PSMA6: variants seen among roughly 807,000 people sequenced by gnomAD.
The protein encoded by PSMA6 is proteasome subunit alpha type-6.
For synonymous variants in PSMA6, 88 were observed against 97.7 expected, an observed-to-expected ratio of 0.90 and a Z score of 0.59; for missense variants, 170 against 294.8, an observed-to-expected ratio of 0.58 and a Z score of 3.10.
chr14:35,286,252 A>G (rs542279269), intron 1 of PSMA6, among the ~76,000 whole-genome samples: 33 of 152,314 alleles, frequency 2.2e-4, no homozygotes, highest in African/African-American at 7.9e-4. Context: ...AAAGTTCACA[A>G]TATGACCGTT....
chr14:35,306,859 T>C (rs2051836328), intron 1 of PSMA6, among the ~76,000 whole-genome samples: 2 of 152,066 alleles, frequency 1.3e-5, no homozygotes, highest in South Asian at 4.1e-4. Context: ...GATGGAGTCA[T>C]ATGTTGGCCT....
At chr14:35,306,887 C>A (rs1397884507) in intron 1 of PSMA6, among the ~76,000 whole-genome samples, 1 of 152,168 alleles carries the variant, frequency 6.6e-6, no homozygotes. Flanking sequence ...TGGCTCACGC[C>A]TGTAATCCTA....
chr14:35,301,654 C>T (rs2051714761), intron 1 of PSMA6, among the ~76,000 whole-genome samples: 1 of 152,166 alleles, frequency 6.6e-6, no homozygotes, highest in African/African-American at 2.4e-5. Flanking sequence ...TTGGACAGCA[C>T]TGGTCTATAT....
At chr14:35,292,949 G>A in intron 1 of PSMA6, 1 of 463,490 alleles carries the variant, frequency 2.2e-6, no homozygotes, top group Admixed American at 2.4e-5. Flanking sequence ...TCCTTTGTTT[G>A]CAGCATGGAC....
At chr14:35,312,196 T>C (rs1594393950) in intron 4 of PSMA6, among the ~76,000 whole-genome samples, 3 of 83,842 alleles carry the variant, frequency 3.6e-5, no homozygotes, top group East Asian at 4.1e-4. Context: ...AGTCCTCGTC[T>C]CCTAAAAAAA....
At chr14:35,300,220 A>G (rs2051684644) in intron 1 of PSMA6, among the ~76,000 whole-genome samples, 2 of 152,138 alleles carry the variant, frequency 1.3e-5, no homozygotes, top group African/African-American at 2.4e-5. Flanking sequence ...TGGAATTCCA[A>G]CACTTTGGGA....
chr14:35,292,588 TTGCCCTGTCATGGTACG>T, intron 1 of PSMA6, 36 bp downstream of exon 1: 2 of 1,609,254 alleles, frequency 1.2e-6, no homozygotes, highest in African/African-American at 2.7e-5. Context: ...GCCACCTGAA[TTGCCCTGTCATGGTACG>T]TGCCTGGAGC....
At chr14:35,292,887 T>C in intron 1 of PSMA6, 1 of 506,050 alleles carries the variant, frequency 2.0e-6, no homozygotes, top group South Asian at 1.6e-5. Flanking sequence ...GGTCTGTTTC[T>C]AAAGGGTAAT....
At chr14:35,306,132 G>A (rs1251058442) in intron 1 of PSMA6, among the ~76,000 whole-genome samples, 2 of 152,142 alleles carry the variant, frequency 1.3e-5, no homozygotes, top group Admixed American at 6.6e-5. Context: ...AGGAGGCTGA[G>A]GCTGGAAGAT....
At chr14:35,314,485 T>A (rs80013234) in intron 6 of PSMA6, 30 bp downstream of exon 6, 1 of 1,597,344 alleles carries the variant, frequency 6.3e-7, no homozygotes, top group East Asian at 2.3e-5. Context: ...ACATGCAGAC[T>A]AGAAAGGTGG....
At chr14:35,298,677 A>T (rs1023581180) in intron 1 of PSMA6, among the ~76,000 whole-genome samples, 1 of 152,108 alleles carries the variant, frequency 6.6e-6, no homozygotes, top group African/African-American at 2.4e-5. Context: ...TTTAAAAAAT[A>T]AATATCATTT....
chr14:35,305,674 A>C (rs7153325), intron 1 of PSMA6, among the ~76,000 whole-genome samples: 2,291 of 143,962 alleles, frequency 0.016, 68 homozygotes, highest in African/African-American at 0.055. Context: ...CAGAATTTTG[A>C]AATAATCTGT....
rs1268551368 is a variant in PSMA6 at position 35,308,918 on chromosome 14, A to G, written c.176A>G (p.Lys59Arg). The G allele has an allele frequency of 6.2e-7, 1 of 1,600,592 alleles. No homozygotes were observed. The highest frequency in any genetic ancestry group is 1.1e-5 in the South Asian group (1 of 89,324). Reference sequence around the variant, plus strand: ...TTTGTTTATTTTGTTTATTAGGACAAATTATTGGATTCCAGCACAGTGACT... The same window carrying G: ...TTTGTTTATTTTGTTTATTAGGACAGATTATTGGATTCCAGCACAGTGACT... ...VIVTQKKVPD[K>R]LLDSSTVTHL... Residue 59 changes from lysine to arginine, a missense_variant, in exon 3 of 7, where the codon AAA (lysine) becomes AGA (arginine). Lys to Arg is a conservative substitution (Grantham distance 26, BLOSUM62 2). Coordinates refer to ENST00000261479, the MANE Select transcript of PSMA6 (RefSeq NM_002791.3).
At chr14:35,308,845 T>C in intron 2 of PSMA6, 69 bp from the exon 3 acceptor site, 1 of 1,148,718 alleles carries the variant, frequency 8.7e-7, no homozygotes, top group Admixed American at 2.2e-5. Context: ...AAAAACATAA[T>C]TTTTTTTATA....
chr14:35,286,260 G>A (rs764837385), intron 1 of PSMA6, among the ~76,000 whole-genome samples: 31 of 152,252 alleles, frequency 2.0e-4, no homozygotes, highest in African/African-American at 5.1e-4. Flanking sequence ...CAATATGACC[G>A]TTCGCTTCTC....
intron 1 of PSMA6, among the ~76,000 whole-genome samples, chr14:35,283,269 G>A (rs897893637): frequency 7.9e-5 from 12 of 151,232 alleles, no homozygotes; most frequent in Admixed American, 4.6e-4. Context: ...GCTCACACCT[G>A]TAATCCTAAC....
chr14:35,291,387 T>A (rs2051477834), upstream of PSMA6, among the ~76,000 whole-genome samples: 1 of 152,032 alleles, frequency 6.6e-6, no homozygotes, highest in East Asian at 1.9e-4. Context: ...CTGGCTAATT[T>A]TTTTTGTATT....
chr14:35,310,963 A>G, intron 4 of PSMA6, 68 bp downstream of exon 4: 2 of 1,451,822 alleles, frequency 1.4e-6, no homozygotes, highest in Non-Finnish European at 1.9e-6. Flanking sequence ...TGTATACAGA[A>G]TTATTTAAAT....
intron 1 of PSMA6, among the ~76,000 whole-genome samples, chr14:35,306,133 G>A (rs953619874): frequency 2.0e-5 from 3 of 152,150 alleles, no homozygotes; most frequent in Non-Finnish European, 4.4e-5. Flanking sequence ...GGAGGCTGAG[G>A]CTGGAAGATC....
Sources: allele counts gnomAD v4.1 joint callset (sites outside exome capture counted in the v4.1 genomes callset), GRCh38; gene constraint gnomAD v4.1.1; transcripts MANE v1.5; gene names NCBI Gene and HGNC (gene_info 2026-07-23, HGNC 2026-07-21).